The following NUMA1 variants were observed in gnomAD, a reference collection of about 807,000 sequenced individuals.
NUMA1 encodes nuclear mitotic apparatus protein 1, also known as SP-H antigen.
A neutral mutation model predicts 237.1 loss-of-function variants in NUMA1; 62 were observed. The observed-to-expected ratio is 0.26, with a 90% CI of 0.21 to 0.32. The LOEUF is 0.32. NUMA1 is among the 10% of genes least tolerant of loss of function. NUMA1 has a pLI of 1.00. For synonymous variants in NUMA1, 1,028 were observed against 1,066.1 expected, an observed-to-expected ratio of 0.96 and a Z score of 0.70; for missense variants, 2,533 against 2,666.5, an observed-to-expected ratio of 0.95 and a Z score of 1.10.
At position 72,016,389 on chromosome 11, in the gene NUMA1, T is replaced by C. The variant is rs527932059; in HGVS notation, c.1242+19A>G. On this transcript the variant is annotated intron_variant, in intron 14 of 26. Transcript: ENST00000393695. ...TCCACACCAACCAGCAGCACACAGG[T>C]CTTTCTGTGCATTCCTACCTGCAAG... 1 of 1,612,616 alleles carries C rather than the reference T, an allele frequency of 6.2e-7. No individual in the cohort carries two copies. The highest frequency in any genetic ancestry group is 1.3e-5 in the African/African-American group (1 of 74,866).
Position 72,012,456 on chromosome 11 carries a change from A to C in NUMA1, c.4609-14T>G. 1 of 1,610,914 alleles carries C rather than the reference A, an allele frequency of 6.2e-7. No individual in the cohort carries two copies. Among genetic ancestry groups the C allele is most frequent in the Non-Finnish European group, 8.5e-7 (1 of 1,178,194 alleles). On this transcript the variant is annotated splice_polypyrimidine_tract_variant and intron_variant, in intron 15 of 26. Coordinates refer to ENST00000393695, the MANE Select transcript of NUMA1 (RefSeq NM_006185.4). ...TAGCTGCTCCACCTGTACATGGGGG[A>C]GGAGCAACAGAGACAGAGTGAGATG... is the stretch of plus-strand genomic sequence containing the variant.
At position 72,012,931 on chromosome 11, in the gene NUMA1, C is replaced by T. The variant is rs1371052187; in HGVS notation, c.4572G>A (p.Gln1524=). The part of the protein sequence containing the change: ...GAKVKVLEER[Q]RFQEERQKLT... ...GTTTCTGCCTCTCTTCCTGGAACCG[C>T]TGCCTCTCCTCCAGGACCTTGACCT... Residue 1524 remains glutamine, a synonymous_variant, in exon 15 of 27, where the codon CAG becomes CAA. Transcript: ENST00000393695. 6.2e-7 allele frequency: 1 copy of T among 1,614,172 alleles called. No homozygotes were observed. Among genetic ancestry groups the T allele is most frequent in the Admixed American group, 1.7e-5 (1 of 60,022 alleles).
chr11:72,019,561 G>A lies in NUMA1; in HGVS notation c.517C>T (p.His173Tyr). Residue 173 changes from histidine (H) to tyrosine (Y), a missense_variant, in exon 9 of 27, where the codon CAC becomes TAC. Around this residue, in one of 3 missense-constraint regions of NUMA1, gnomAD observed 1,414 missense variants for 1,508.1 expected, o/e 0.94. Transcript: ENST00000393695. ...TFPEELSPPS[H>Y]QAKREIRFLE... Reference sequence around the variant, plus strand: ...AAGCGAATCTCCCTCTTGGCCTGGTGGCTAGGTGGGGAGAGCTCTTCAGGG... The same window carrying A: ...AAGCGAATCTCCCTCTTGGCCTGGTAGCTAGGTGGGGAGAGCTCTTCAGGG... 1.2e-6 allele frequency: 2 copies of A among 1,614,038 alleles called. No individual in the cohort carries two copies. Among genetic ancestry groups the A allele is most frequent in the Middle Eastern group, 1.7e-4 (1 of 6,056 alleles).
rs773372268 is a variant in NUMA1, at chr11:72,006,122, C to T, written c.5605G>A (p.Ala1869Thr). Residue 1869 changes from alanine (A) to threonine (T), a missense_variant, in exon 22 of 27, where the codon GCC becomes ACC. Physicochemically the swap from Ala to Thr is moderately conservative, Grantham distance 58. This residue lies in a region of NUMA1 where 795 missense variants were observed against 750.8 expected (regional missense o/e 1.06). Coordinates refer to ENST00000393695, the MANE Select transcript of NUMA1 (RefSeq NM_006185.4). ...RLGSPDYGNS[A>T]LLSLPGYRPT... ...CGGTAGCCAGGCAAGCTGAGCAGGGCTGAGTTGCCATAATCGGGAGAACCC... is the reference window on the plus strand; with the variant it reads ...CGGTAGCCAGGCAAGCTGAGCAGGGTTGAGTTGCCATAATCGGGAGAACCC... 4 of 1,614,166 alleles carry T rather than the reference C, an allele frequency of 2.5e-6. No individual in the cohort carries two copies. The South Asian group carries it at 4.4e-5, about 18-fold the overall frequency.
chr11:72,018,619 G>C, intron 10 of NUMA1, 106 bp from the exon 11 acceptor site: 2 of 1,079,446 alleles, frequency 1.9e-6, no homozygotes, highest in Non-Finnish European at 2.8e-6. Context: ...GACGGCATAG[G>C]GAAGAGGAGG....
chr11:72,024,233 AG>A, intron 5 of NUMA1, 40 bp downstream of exon 5: 2 of 1,585,396 alleles, frequency 1.3e-6, no homozygotes, highest in Non-Finnish European at 1.7e-6. Flanking sequence ...CCACGAGCTG[AG>A]GAAGCAGCTT....
rs192493771 is a variant in NUMA1 at position 72,053,949 on chromosome 11, G to A, written c.-33+15893C>T. On this transcript the variant is annotated intron_variant, in intron 2 of 26. Coordinates refer to ENST00000393695, the MANE Select transcript of NUMA1 (RefSeq NM_006185.4). ...AATCCAAGGATGATTTAAACTATAC[G>A]AAGGACGTGTGAAGGTTATATGCTA... Among the ~76,000 whole-genome samples the A allele has an allele frequency of 8.5e-3, 1,287 of 152,160 alleles. 22 individuals are homozygous for A. Among genetic ancestry groups the A allele is most frequent in the African/African-American group, 0.03 (1,227 of 41,488 alleles).
At chr11:72,073,753 T>C (rs1801528970) in intron 1 of NUMA1, among the ~76,000 whole-genome samples, 1 of 152,206 alleles carries the variant, frequency 6.6e-6, no homozygotes, top group African/African-American at 2.4e-5. Context: ...ATGTGGGATG[T>C]AGAACCCAGA....
chr11:72,024,336 C>G lies in NUMA1; in HGVS notation c.146G>C (p.Gly49Ala). Residue 49 changes from glycine (G) to alanine (A), a missense_variant, in exon 5 of 27, where the codon GGA becomes GCA. This residue lies in a region of NUMA1 where 1,414 missense variants were observed against 1,508.1 expected (regional missense o/e 0.94). Transcript: ENST00000393695. ...IIDRIHGTEE[G>A]QQILKQPVSE... ...CACCGGCTGCTTCAAGATTTGCTGT[C>G]CCTCTTCAGTGCCATGGCTAGAAAA... is the stretch of plus-strand genomic sequence containing the variant. The G allele has an allele frequency of 1.2e-6, 2 of 1,614,182 alleles. No individual in the cohort carries two copies. Among genetic ancestry groups the G allele is most frequent in the Non-Finnish European group, 1.7e-6 (2 of 1,180,012 alleles).
intron 20 of NUMA1, chr11:72,007,844 T>C (rs1269135181): frequency 2.0e-5 from 7 of 348,228 alleles, no homozygotes; most frequent in Non-Finnish European, 3.3e-5. Context: ...GCGAGCCCAA[T>C]CACCAAGCTT....
chr11:72,070,344 A>C (rs575548980), intron 1 of NUMA1, among the ~76,000 whole-genome samples: 1 of 152,332 alleles, frequency 6.6e-6, no homozygotes, highest in East Asian at 1.9e-4. Flanking sequence ...TATGGCCTCA[A>C]GTCATTTATT....
In NUMA1 at chr11:72,009,426, C is replaced by G. The variant is rs200997935; in HGVS notation, c.4720-39G>C. The stretch of plus-strand genomic sequence containing the variant: ...CCACTCAGGAAAGCTGGTCTGGCCG[C>G]TCTACCCAAGTCCGCTTATCTGCAC... On this transcript the variant is annotated intron_variant, in intron 17 of 26. Coordinates refer to ENST00000393695, the MANE Select transcript of NUMA1 (RefSeq NM_006185.4). 5.0e-4 allele frequency: 788 copies of G among 1,567,560 alleles called. 5 individuals are homozygous for G. Among genetic ancestry groups the G allele is most frequent in the Non-Finnish European group, 5.6e-4 (655 of 1,163,880 alleles).
intron 15 of NUMA1, 132 bp downstream of exon 15, chr11:72,012,763 T>C: frequency 7.5e-7 from 1 of 1,324,540 alleles, no homozygotes; most frequent in South Asian, 1.5e-5. Context: ...ACCTCTCCTT[T>C]TCTGCCACCC....
At chr11:72,026,295 T>G (rs570243427) in intron 4 of NUMA1, among the ~76,000 whole-genome samples, 1 of 152,328 alleles carries the variant, frequency 6.6e-6, no homozygotes, top group East Asian at 1.9e-4. Context: ...ACTGCACCAT[T>G]TACAACTGCC....
At position 72,015,794 on chromosome 11, in the gene NUMA1, A is replaced by C. The variant is rs764948286; in HGVS notation, c.1709T>G (p.Val570Gly). ...LKQKEQQLKE[V>G]AEKQEATRQD... The stretch of plus-strand genomic sequence containing the variant: ...CCTAGTTGCCTCCTGCTTCTCCGCT[A>C]CCTCCTTCAACTGCTGCTCCTTCTG... The change falls in exon 15 of 27, where the codon GTA becomes GGA. Residue 570 changes from valine (V) to glycine (G), a missense_variant. Val to Gly is a moderately radical substitution (Grantham distance 109, BLOSUM62 -3). This residue lies in a region of NUMA1 where 1,414 missense variants were observed against 1,508.1 expected (regional missense o/e 0.94). Transcript: ENST00000393695. The surrounding 1 kb of genome is among the most constrained non-coding windows in gnomAD (Gnocchi z 4.0). 2.0e-5 allele frequency: 33 copies of C among 1,613,674 alleles called. No individual in the cohort carries two copies. The South Asian group carries it at 3.6e-4, about 18-fold the overall frequency.
At chr11:72,003,638 ATCCCC>A (rs1955422578) in intron 26 of NUMA1, 100 bp from the exon 27 acceptor site, 2 of 1,488,760 alleles carry the variant, frequency 1.3e-6, no homozygotes, top group Non-Finnish European at 1.9e-6. Context: ...CCCTGTCTGG[ATCCCC>A]TCCCTTGTGA....
chr11:72,052,618 T>C (rs1416657504), intron 2 of NUMA1, among the ~76,000 whole-genome samples: 1 of 151,934 alleles, frequency 6.6e-6, no homozygotes, highest in Non-Finnish European at 1.5e-5. Context: ...ACACAAAAAT[T>C]AGCTGGGTGT....
intron 2 of NUMA1, among the ~76,000 whole-genome samples, chr11:72,048,397 G>C (rs1942125228): frequency 6.6e-6 from 1 of 151,650 alleles, no homozygotes; most frequent in Non-Finnish European, 1.5e-5. Context: ...TTTTGAGACA[G>C]AGTTTGCTTT....
intron 2 of NUMA1, 35 bp from the exon 3 acceptor site, chr11:72,036,010 A>C: frequency 2.7e-6 from 4 of 1,470,726 alleles, no homozygotes; most frequent in Admixed American, 3.4e-5. Flanking sequence ...GCAGTTAATC[A>C]TATCAGATAT....
Sources: gnomAD v4.1 joint callset for allele counts (sites outside exome capture counted in the v4.1 genomes callset) on GRCh38, gnomAD v4.1.1 for gene constraint, gnomAD v4.1.1 regional missense constraint, Gnocchi (gnomAD v3.1) non-coding constraint, MANE v1.5 for transcripts, NCBI Gene and HGNC (gene_info 2026-07-23, HGNC 2026-07-21) for gene names.